Variants in POLH observed in about 807,000 individuals in gnomAD.
POLH encodes the protein DNA polymerase eta.
A neutral mutation model predicts 73.6 loss-of-function variants in POLH; 53 were observed. That is an observed-to-expected ratio of 0.72 (90% CI 0.58 to 0.91). The LOEUF (loss-of-function observed/expected upper bound fraction) is 0.91, where lower values mean the gene tolerates loss of function less well. Ranked by LOEUF, POLH falls within the 40% of genes least tolerant of loss-of-function variation. POLH has a pLI of 0.00. For missense variants in POLH, 768 were observed against 865.4 expected (o/e 0.89, Z 1.41); for synonymous variants, 292 against 308.5 (o/e 0.95, Z 0.56).
chr6:43,609,725 T>G (rs1292423206), intron 9 of POLH, among the ~76,000 whole-genome samples: 1 of 152,202 alleles, frequency 6.6e-6, no homozygotes, highest in Non-Finnish European at 1.5e-5. Flanking sequence ...GAAAAAAAGA[T>G]ATGACTTGAA....
chr6:43,591,097 G>A (rs1287885190), intron 4 of POLH: 1 of 152,168 alleles, frequency 6.6e-6, no homozygotes, highest in Non-Finnish European at 1.5e-5. Context: ...ATAATGCAAA[G>A]TATGTCAAGC....
chr6:43,613,834 T>C lies in POLH; in HGVS notation c.1419T>C (p.Thr473=). ...GAAGTGGCCCAGCGGTGACAGCCAC[T>C]AAGAAAGCAACCACGTCTCTGGAAT... is the stretch of plus-strand genomic sequence containing the variant. ...TQGSGPAVTA[T]KKATTSLESF... The change falls in exon 11 of 11, where the codon ACT becomes ACC. Residue 473 remains threonine (T), a synonymous_variant. Coordinates refer to ENST00000372236, the MANE Select transcript of POLH (RefSeq NM_006502.3). 1 of 1,614,186 alleles carries C rather than the reference T, an allele frequency of 6.2e-7. No homozygotes were observed.
rs116098961 is a variant in POLH, at chr6:43,577,011, G to C, written c.-5+571G>C. ...TTTCTACTAAACATACAAAAATTATGTTTGCATTTTTAGTATTTTTATACA... is the reference window on the plus strand; with the variant it reads ...TTTCTACTAAACATACAAAAATTATCTTTGCATTTTTAGTATTTTTATACA... On this transcript the variant is annotated intron_variant, in intron 1 of 10. Transcript: ENST00000372236. Among the ~76,000 whole-genome samples, 1,089 of 152,170 alleles carry C rather than the reference G, an allele frequency of 7.2e-3. 9 individuals are homozygous for C. The highest frequency in any genetic ancestry group is 0.025 in the African/African-American group (1,039 of 41,494).
intron 1 of POLH, among the ~76,000 whole-genome samples, chr6:43,579,894 G>T (rs1454708779): frequency 6.7e-6 from 1 of 149,756 alleles, no homozygotes; most frequent in East Asian, 1.9e-4. Flanking sequence ...TTGAGTGAAA[G>T]AATCTTTTTT....
At chr6:43,578,232 CA>C (rs1763601769) in intron 1 of POLH, among the ~76,000 whole-genome samples, 1 of 149,836 alleles carries the variant, frequency 6.7e-6, no homozygotes. Flanking sequence ...ACTCGAAATA[CA>C]AAAATTAGCC....
intron 9 of POLH, among the ~76,000 whole-genome samples, chr6:43,606,897 G>C (rs1767367365): frequency 6.6e-6 from 1 of 152,000 alleles, no homozygotes; most frequent in South Asian, 2.1e-4. Context: ...CCCATTACCA[G>C]TCACTCCCCA....
chr6:43,588,171 A>G, intron 4 of POLH: 1 of 157,612 alleles, frequency 6.3e-6, no homozygotes, highest in Non-Finnish European at 1.4e-5. Flanking sequence ...AGGTATAGGG[A>G]GTTGAGTGAT....
intron 6 of POLH, 99 bp from the exon 7 acceptor site, chr6:43,603,793 C>A: frequency 1.7e-6 from 2 of 1,187,866 alleles, no homozygotes; most frequent in Non-Finnish European, 2.5e-6. Context: ...TTGTCCTGAA[C>A]CTTTTGGAGA....
intron 4 of POLH, among the ~76,000 whole-genome samples, chr6:43,595,113 T>A (rs1765892480): frequency 6.6e-6 from 1 of 151,746 alleles, no homozygotes; most frequent in Non-Finnish European, 1.5e-5. Flanking sequence ...GGAGGATCGC[T>A]TGAGCTCAGG....
intron 8 of POLH, 142 bp from the exon 9 acceptor site, chr6:43,605,112 T>C (rs2127805791): frequency 2.9e-6 from 2 of 688,086 alleles, no homozygotes; most frequent in South Asian, 1.6e-5. Flanking sequence ...GGAACATTTC[T>C]ATGATCTGGT....
In POLH at chr6:43,618,891, A is replaced by G. The variant is rs561908840; in HGVS notation, c.*4334A>G. 2.0e-5 allele frequency among the ~76,000 whole-genome samples: 3 copies of G among 151,546 alleles called. No homozygotes were observed. The highest frequency in any genetic ancestry group is 7.3e-5 in the African/African-American group (3 of 41,226). On this transcript the variant is annotated 3_prime_UTR_variant, in exon 11 of 11. Coordinates refer to ENST00000372236, the MANE Select transcript of POLH (RefSeq NM_006502.3). Reference sequence around the variant, plus strand: ...AGTGATCCACCCGCCCTGGCCTCCCAAAGTGCTGGGATTACAGGCCTGAGC... The same window carrying G: ...AGTGATCCACCCGCCCTGGCCTCCCGAAGTGCTGGGATTACAGGCCTGAGC...
intron 4 of POLH, among the ~76,000 whole-genome samples, chr6:43,594,207 A>G (rs1376527070): frequency 6.6e-6 from 1 of 152,208 alleles, no homozygotes; most frequent in Non-Finnish European, 1.5e-5. Flanking sequence ...ATTTAGCTCT[A>G]ACTGTTTAAA....
chr6:43,596,768 C>CCTAAG (rs1246621692), intron 4 of POLH, among the ~76,000 whole-genome samples: 2 of 141,782 alleles, frequency 1.4e-5, no homozygotes, highest in Admixed American at 6.7e-5. Context: ...AGGAAAAGTT[C>CCTAAG]TTCTGTAGGG....
intron 4 of POLH, among the ~76,000 whole-genome samples, chr6:43,593,633 G>A (rs1582289625): frequency 6.6e-6 from 1 of 152,282 alleles, no homozygotes; most frequent in African/African-American, 2.4e-5. Context: ...TGTAATCCCA[G>A]CACTTTGAGA....
intron 10 of POLH, among the ~76,000 whole-genome samples, chr6:43,612,529 T>C (rs192735502): frequency 3.8e-4 from 58 of 152,062 alleles, no homozygotes; most frequent in Admixed American, 2.6e-3. Context: ...GTACTTTTAG[T>C]AGAGACAGGG....
chr6:43,585,637 C>CTTTT (rs1208848737), intron 3 of POLH, among the ~76,000 whole-genome samples: 15 of 107,382 alleles, frequency 1.4e-4, no homozygotes, highest in African/African-American at 4.3e-4. Flanking sequence ...TCTTTCTTTT[C>CTTTT]TTTTTTTTTT....
chr6:43,577,466 A>T (rs116356911), intron 1 of POLH, among the ~76,000 whole-genome samples: 14 of 152,180 alleles, frequency 9.2e-5, no homozygotes, highest in African/African-American at 3.1e-4. Flanking sequence ...GGCATGTTAT[A>T]GTTTTAACTT....
intron 6 of POLH, among the ~76,000 whole-genome samples, chr6:43,603,190 A>C (rs965453879): frequency 2.6e-5 from 4 of 151,088 alleles, no homozygotes; most frequent in South Asian, 4.2e-4. Context: ...ACAGTGGCAC[A>C]ATCTCGGCTC....
At chr6:43,600,071 T>A (rs994350698) in intron 5 of POLH, among the ~76,000 whole-genome samples, 2 of 151,994 alleles carry the variant, frequency 1.3e-5, no homozygotes, top group African/African-American at 4.8e-5. Flanking sequence ...GGCAGGAGAA[T>A]TACTTGAACC....
Sources: allele counts gnomAD v4.1 joint callset (sites outside exome capture counted in the v4.1 genomes callset), GRCh38; gene constraint gnomAD v4.1.1; transcripts MANE v1.5; gene names NCBI Gene and HGNC (gene_info 2026-07-23, HGNC 2026-07-21).